Variants in GALNTL6 observed in about 807,000 individuals in gnomAD.
GALNTL6 encodes polypeptide N-acetylgalactosaminyltransferase like 6.
A neutral mutation model predicts 73.7 loss-of-function variants in GALNTL6; 46 were observed. The observed-to-expected ratio is 0.62, with a 90% CI of 0.49 to 0.80. The LOEUF (loss-of-function observed/expected upper bound fraction) is 0.80. Among genes scored for constraint, GALNTL6 ranks in the 30% least tolerant of loss-of-function variants. GALNTL6 has a pLI of 0.00. For missense variants in GALNTL6, 604 were observed against 755.0 expected, an observed-to-expected ratio of 0.80 and a Z score of 2.34; for synonymous variants, 259 against 263.7, an observed-to-expected ratio of 0.98 and a Z score of 0.17.
At chr4:172,924,808 C>T (rs1249756154) in intron 8 of GALNTL6, among the ~76,000 whole-genome samples, 3 of 152,126 alleles carry the variant, frequency 2.0e-5, no homozygotes, top group Admixed American at 2.0e-4. Context: ...GCCCTAAGAG[C>T]AGTAGAAAAC....
intron 2 of GALNTL6, among the ~76,000 whole-genome samples, chr4:171,956,001 T>TGC (rs1739035241): frequency 8.7e-6 from 1 of 114,638 alleles, no homozygotes; most frequent in African/African-American, 3.5e-5. Context: ...TACTAATTTG[T>TGC]GTGTGTGTGT....
intron 2 of GALNTL6, among the ~76,000 whole-genome samples, chr4:171,830,770 A>G (rs974915458): frequency 6.6e-6 from 1 of 152,166 alleles, no homozygotes; most frequent in African/African-American, 2.4e-5. Context: ...TAACTTTATT[A>G]AAAAGAAGAC....
At position 172,423,319 on chromosome 4, in the gene GALNTL6, C is replaced by A. The variant is rs114755106; in HGVS notation, c.553+74630C>A. 2.3e-4 allele frequency among the ~76,000 whole-genome samples: 35 copies of A among 152,148 alleles called. No individual in the cohort carries two copies. In the East Asian group the frequency reaches 6.8e-3, roughly 30 times the overall value. ...CAATGTCTCTGCATTTCTCACAGAA[C>A]AAAAGCCAAGGTGCTTATGGTGATC... On this transcript the variant is annotated intron_variant, in intron 5 of 12. Coordinates refer to ENST00000506823, the MANE Select transcript of GALNTL6 (RefSeq NM_001034845.3).
chr4:172,228,397 G>T (rs571780492), intron 2 of GALNTL6, among the ~76,000 whole-genome samples: 1 of 151,910 alleles, frequency 6.6e-6, no homozygotes, highest in Admixed American at 6.6e-5. Flanking sequence ...ACCTGATTGG[G>T]AAAATCTTTT....
At chr4:172,201,292 C>T (rs1250420910) in intron 2 of GALNTL6, among the ~76,000 whole-genome samples, 5 of 151,860 alleles carry the variant, frequency 3.3e-5, no homozygotes, top group Admixed American at 6.6e-5. Context: ...CTGCAACCTC[C>T]GCCTCTGGGA....
intron 5 of GALNTL6, among the ~76,000 whole-genome samples, chr4:172,751,307 A>G (rs565217429): frequency 6.6e-6 from 1 of 152,322 alleles, no homozygotes; most frequent in East Asian, 1.9e-4. Flanking sequence ...AGGTGTTTAG[A>G]TCAAAGATCA....
At chr4:172,966,646 C>T (rs1750340899) in intron 10 of GALNTL6, among the ~76,000 whole-genome samples, 1 of 152,228 alleles carries the variant, frequency 6.6e-6, no homozygotes, top group Non-Finnish European at 1.5e-5. Context: ...CCCGCCTCGG[C>T]CTCCCAAAGT....
chr4:172,218,044 A>C (rs1332595831), intron 2 of GALNTL6, among the ~76,000 whole-genome samples: 2 of 152,040 alleles, frequency 1.3e-5, no homozygotes, highest in Non-Finnish European at 2.9e-5. Context: ...CTGTAACCCT[A>C]TTACTATGAT....
chr4:172,128,728 T>C (rs1053303820), intron 2 of GALNTL6, among the ~76,000 whole-genome samples: 12 of 152,216 alleles, frequency 7.9e-5, no homozygotes, highest in Middle Eastern at 3.2e-3. Context: ...AAACAAAACA[T>C]CCAAGCGGCC....
chr4:172,646,017 T>C (rs1740227232), intron 5 of GALNTL6, among the ~76,000 whole-genome samples: 1 of 152,026 alleles, frequency 6.6e-6, no homozygotes, highest in African/African-American at 2.4e-5. Flanking sequence ...ATGGCTTTTC[T>C]ACTTCTGCTG....
At chr4:172,407,407 C>T (rs1744275660) in intron 5 of GALNTL6, among the ~76,000 whole-genome samples, 1 of 152,084 alleles carries the variant, frequency 6.6e-6, no homozygotes, top group Non-Finnish European at 1.5e-5. Flanking sequence ...TAAAATTATT[C>T]AGGCATGTGG....
chr4:172,172,942 G>A (rs572648470), intron 2 of GALNTL6, among the ~76,000 whole-genome samples: 1 of 152,326 alleles, frequency 6.6e-6, no homozygotes, highest in South Asian at 2.1e-4. Flanking sequence ...GTTTCTGGGA[G>A]AATGAGGTGA....
intron 5 of GALNTL6, among the ~76,000 whole-genome samples, chr4:172,796,801 G>A (rs1446115935): frequency 6.9e-6 from 1 of 145,634 alleles, no homozygotes; most frequent in East Asian, 2.1e-4. Context: ...AGTTTCCGTA[G>A]CCTTGGGAAT....
chr4:172,008,140 T>C (rs1740893773), intron 2 of GALNTL6, among the ~76,000 whole-genome samples: 2 of 152,188 alleles, frequency 1.3e-5, no homozygotes. Context: ...TCTAGATAAG[T>C]ATATTCAAAC....
At chr4:172,669,394 T>C (rs567205895) in intron 5 of GALNTL6, among the ~76,000 whole-genome samples, 1 of 152,288 alleles carries the variant, frequency 6.6e-6, no homozygotes, top group Non-Finnish European at 1.5e-5. Context: ...ATATGCATCG[T>C]CTAAGTCAAG....
chr4:172,103,479 T>C (rs1404135516), intron 2 of GALNTL6, among the ~76,000 whole-genome samples: 2 of 152,198 alleles, frequency 1.3e-5, no homozygotes, highest in Non-Finnish European at 2.9e-5. Flanking sequence ...TATAAAGGGA[T>C]GTACAGTCAC....
chr4:172,141,882 AAC>A (rs200060015), intron 2 of GALNTL6, among the ~76,000 whole-genome samples: 2,542 of 108,924 alleles, frequency 0.023, 62 homozygotes, highest in African/African-American at 0.082. Context: ...AACACACACA[AAC>A]ACACACACAC....
chr4:171,895,948 C>T (rs1263944867), intron 2 of GALNTL6, among the ~76,000 whole-genome samples: 1 of 149,838 alleles, frequency 6.7e-6, no homozygotes, highest in Non-Finnish European at 1.5e-5. Flanking sequence ...ATAGAATTAA[C>T]AGCAGAATGG....
intron 5 of GALNTL6, among the ~76,000 whole-genome samples, chr4:172,428,282 G>C (rs17225926): frequency 0.024 from 3,651 of 152,180 alleles, 60 homozygotes; most frequent in Non-Finnish European, 0.04. Context: ...TAGGTAGATA[G>C]ATCTTTTTGT....
Sources: allele counts gnomAD v4.1 joint callset (sites outside exome capture counted in the v4.1 genomes callset), GRCh38; gene constraint gnomAD v4.1.1; transcripts MANE v1.5; gene names NCBI Gene and HGNC (gene_info 2026-07-23, HGNC 2026-07-21).